Variants in LNP1 observed in about 807,000 individuals in gnomAD.
The protein encoded by LNP1 is leukemia NUP98 fusion partner 1.
Under a neutral mutation model 14.5 loss-of-function variants are expected in LNP1, and 12 were observed. That is an observed-to-expected ratio of 0.83 (90% CI 0.53 to 1.34). The LOEUF (loss-of-function observed/expected upper bound fraction) is 1.34. Among genes scored for constraint, LNP1 ranks in the 40% most tolerant of loss-of-function variants. The pLI is 0.00. For synonymous variants in LNP1, 75 were observed against 71.4 expected, an observed-to-expected ratio of 1.05 and a Z score of -0.26; for missense variants, 198 against 210.9, an observed-to-expected ratio of 0.94 and a Z score of 0.38.
rs1268198539 is a variant in LNP1 at position 100,429,712 on chromosome 3, AT to A, written c.-15del. On this transcript the variant is annotated 5_prime_UTR_variant, in exon 2 of 4. Transcript: ENST00000383693. ...TCGCATTTAGGGACAGGCCTTCAGT[AT>A]TTGGCATCACCTTTACATGGAGCAC... 1.9e-6 allele frequency: 3 copies of A among 1,611,516 alleles called. No homozygotes were observed. Among genetic ancestry groups the A allele is most frequent in the Non-Finnish European group, 1.7e-6 (2 of 1,178,574 alleles).
intron 1 of LNP1, among the ~76,000 whole-genome samples, chr3:100,408,817 G>C (rs1386596975): frequency 6.6e-6 from 1 of 152,124 alleles, no homozygotes; most frequent in East Asian, 1.9e-4. Context: ...GCCTGGTCTT[G>C]GGGGAAGGGT....
chr3:100,408,542 G>C (rs1473759539), intron 1 of LNP1, among the ~76,000 whole-genome samples: 1 of 152,176 alleles, frequency 6.6e-6, no homozygotes, highest in Non-Finnish European at 1.5e-5. Context: ...TGGGTTATTT[G>C]GATCCCAAGA....
intron 1 of LNP1, among the ~76,000 whole-genome samples, chr3:100,411,223 G>C: frequency 6.6e-6 from 1 of 152,222 alleles, no homozygotes; most frequent in Non-Finnish European, 1.5e-5. Context: ...GAGTGGGACT[G>C]TCTATCCTAT....
At chr3:100,427,948 A>C (rs1034312435) in intron 1 of LNP1, among the ~76,000 whole-genome samples, 1 of 152,202 alleles carries the variant, frequency 6.6e-6, no homozygotes, top group African/African-American at 2.4e-5. Flanking sequence ...ATGCTCTGTA[A>C]ACATTGGTCA....
At chr3:100,403,639 A>G (rs1706934452) in intron 1 of LNP1, among the ~76,000 whole-genome samples, 1 of 152,062 alleles carries the variant, frequency 6.6e-6, no homozygotes, top group Non-Finnish European at 1.5e-5. Flanking sequence ...AATTTTTTGT[A>G]TATTGGCCAA....
At chr3:100,432,949 A>G (rs909123252) in intron 2 of LNP1, among the ~76,000 whole-genome samples, 3 of 152,210 alleles carry the variant, frequency 2.0e-5, no homozygotes, top group African/African-American at 7.2e-5. Context: ...GGACCTCCAC[A>G]GTGCTTCTTC....
intron 2 of LNP1, among the ~76,000 whole-genome samples, chr3:100,437,882 A>C (rs1707306067): frequency 1.3e-5 from 2 of 152,242 alleles, no homozygotes; most frequent in Non-Finnish European, 2.9e-5. Context: ...CAGGAACCAG[A>C]TGTCACATGC....
intron 2 of LNP1, among the ~76,000 whole-genome samples, chr3:100,432,139 TCC>T (rs2148904043): frequency 6.8e-6 from 1 of 147,510 alleles, no homozygotes; most frequent in East Asian, 2.3e-4. Flanking sequence ...CTTACTCTTA[TCC>T]TTACTTTTTT....
At chr3:100,446,565 A>G (rs569239077) in intron 2 of LNP1, among the ~76,000 whole-genome samples, 49 of 152,286 alleles carry the variant, frequency 3.2e-4, no homozygotes, top group Admixed American at 5.2e-4. Flanking sequence ...CTAAAACACC[A>G]AAAGCAATGG....
chr3:100,433,421 GTAT>G (rs749980131), intron 2 of LNP1, among the ~76,000 whole-genome samples: 1 of 152,142 alleles, frequency 6.6e-6, no homozygotes, highest in Non-Finnish European at 1.5e-5. Flanking sequence ...TGGCTGCATG[GTAT>G]TCCATGGTGT....
chr3:100,455,659 C>A (rs1707502887), intron 3 of LNP1, 118 bp from the exon 4 acceptor site: 1 of 944,222 alleles, frequency 1.1e-6, no homozygotes, highest in Non-Finnish European at 1.7e-6. Context: ...TTCTAGAAAC[C>A]AAGAGGTGGA....
At chr3:100,417,314 G>A (rs1707093896) in intron 1 of LNP1, among the ~76,000 whole-genome samples, 1 of 148,186 alleles carries the variant, frequency 6.7e-6, no homozygotes, top group Non-Finnish European at 1.5e-5. Context: ...TTGGTTGTAT[G>A]ACGATATTTT....
intron 1 of LNP1, among the ~76,000 whole-genome samples, chr3:100,409,176 C>T (rs1707000453): frequency 6.6e-6 from 1 of 152,130 alleles, no homozygotes; most frequent in African/African-American, 2.4e-5. Context: ...GAGGGAACTC[C>T]TCCTCCCTAA....
rs754498900 is a variant in LNP1, at chr3:100,429,817, C to T, written c.88C>T (p.Gln30Ter). 3 of 1,613,906 alleles carry T rather than the reference C, an allele frequency of 1.9e-6. No homozygotes were observed. In the South Asian group the frequency reaches 3.3e-5, roughly 18 times the overall value. ...FWGHSWREED[Q>*]RGLRERHRLQ... ...GGGCCACAGCTGGAGAGAGGAGGATCAGAGAGGACTCCGGGAACGCCACCG... is the reference window on the plus strand; with the variant it reads ...GGGCCACAGCTGGAGAGAGGAGGATTAGAGAGGACTCCGGGAACGCCACCG... Residue 30 changes from glutamine (Q) to a stop codon, truncating the protein, a stop_gained, in exon 2 of 4, where the codon CAG (glutamine) becomes TAG (stop). Transcript: ENST00000383693. LOFTEE classifies it high-confidence loss of function.
chr3:100,437,345 G>A (rs955876164), intron 2 of LNP1, among the ~76,000 whole-genome samples: 1 of 152,154 alleles, frequency 6.6e-6, no homozygotes, highest in Non-Finnish European at 1.5e-5. Context: ...GCTCACAGGA[G>A]TTTCTTCTTA....
chr3:100,410,769 G>C (rs943135401), intron 1 of LNP1, among the ~76,000 whole-genome samples: 3 of 152,220 alleles, frequency 2.0e-5, no homozygotes, highest in Non-Finnish European at 4.4e-5. Flanking sequence ...TTTACAGGAT[G>C]GGACCATAGA....
At chr3:100,422,709 GA>G (rs1707156058) in intron 1 of LNP1, among the ~76,000 whole-genome samples, 1 of 149,146 alleles carries the variant, frequency 6.7e-6, no homozygotes, top group African/African-American at 2.5e-5. Context: ...AAATCCTGAA[GA>G]ATTTAATGAT....
At chr3:100,411,445 G>A (rs1419650595) in intron 1 of LNP1, among the ~76,000 whole-genome samples, 1 of 152,198 alleles carries the variant, frequency 6.6e-6, no homozygotes, top group East Asian at 1.9e-4. Context: ...AATGATGAAT[G>A]TATTTTGTAT....
intron 1 of LNP1, among the ~76,000 whole-genome samples, chr3:100,423,217 C>T (rs569304077): frequency 6.6e-6 from 1 of 152,214 alleles, no homozygotes; most frequent in East Asian, 1.9e-4. Flanking sequence ...ATAGCATTTC[C>T]TTTCTAGAAT....
Sources: allele counts gnomAD v4.1 joint callset (sites outside exome capture counted in the v4.1 genomes callset), GRCh38; gene constraint gnomAD v4.1.1; transcripts MANE v1.5; gene names NCBI Gene and HGNC (gene_info 2026-07-23, HGNC 2026-07-21).